MLIP: variants seen among roughly 807,000 people sequenced by gnomAD.
MLIP encodes the protein muscular LMNA-interacting protein.
In MLIP, 79 loss-of-function variants were observed where a neutral mutation model predicts 84.8. The ratio of observed to expected loss-of-function variants is 0.93; its 90% CI spans 0.78 to 1.12. The LOEUF (loss-of-function observed/expected upper bound fraction) is 1.12. MLIP is among the 50% of genes most tolerant of loss of function. MLIP has a pLI of 0.00. For synonymous variants in MLIP, 504 were observed against 463.0 expected (o/e 1.09, Z -1.14); for missense variants, 1,257 against 1,160.6 (o/e 1.08, Z -1.21).
At chr6:54,099,901 A>G (rs1448404728) in intron 1 of MLIP, among the ~76,000 whole-genome samples, 1 of 152,132 alleles carries the variant, frequency 6.6e-6, no homozygotes, top group Admixed American at 6.5e-5. Context: ...GGCAAGAAAA[A>G]ATGATAAAAG....
chr6:54,160,516 C>T lies in MLIP; in HGVS notation c.2356C>T (p.Leu786Phe). The T allele has an allele frequency of 6.2e-7, 1 of 1,612,212 alleles. No individual in the cohort carries two copies. Among genetic ancestry groups the T allele is most frequent in the Non-Finnish European group, 8.5e-7 (1 of 1,178,942 alleles). ...CAGTACCTGGTTTCAATTCTTCCAG[C>T]TCTATTTTCCTGCACAGCTCAGGCA... The part of the protein sequence containing the change: ...KDNTLEPPVE[L>F]YFPAQLRQQT... Residue 786 changes from leucine (L) to phenylalanine (F), a missense_variant and splice_region_variant, in exon 7 of 14, where the codon CTC (leucine) becomes TTC (phenylalanine). Transcript: ENST00000502396.
intron 9 of MLIP, among the ~76,000 whole-genome samples, chr6:54,170,229 C>T (rs548871059): frequency 2.8e-4 from 43 of 151,800 alleles, no homozygotes; most frequent in Admixed American, 8.5e-4. Context: ...ACAAGATTAT[C>T]TCCTTAGTAA....
rs370097765 is a variant in MLIP, at chr6:54,023,179, TAATA to T, written c.63+4090_63+4093del. Reference sequence around the variant, plus strand: ...GAGACTCCATCTCAAAAAATAATAATAATAATAATAATAATAATGATAACAAGAA... The same window carrying T: ...GAGACTCCATCTCAAAAAATAATAATATAATAATAATAATGATAACAAGAA... On this transcript the variant is annotated intron_variant, in intron 1 of 12. Transcript: ENST00000274897. Among the ~76,000 whole-genome samples, 107 of 148,924 alleles carry T rather than the reference TAATA, an allele frequency of 7.2e-4. 1 individual carries two copies. In the Middle Eastern group the frequency reaches 0.011, roughly 15 times the overall value.
chr6:54,258,832 A>G (rs1783196270), intron 13 of MLIP, among the ~76,000 whole-genome samples: 1 of 152,146 alleles, frequency 6.6e-6, no homozygotes, highest in East Asian at 1.9e-4. Flanking sequence ...AAGTGTCTCC[A>G]CAATCAGAAA....
At chr6:54,160,475 A>G (rs773388317) in intron 6 of MLIP, 41 bp from the exon 7 acceptor site, 10 of 1,611,508 alleles carry the variant, frequency 6.2e-6, no homozygotes, top group Non-Finnish European at 4.2e-6. Context: ...TGCAATTCCA[A>G]AACTTATTGC....
At chr6:54,265,326 A>T (rs1783624401) in intron 13 of MLIP, among the ~76,000 whole-genome samples, 1 of 152,122 alleles carries the variant, frequency 6.6e-6, no homozygotes. Flanking sequence ...AGTTTATCTT[A>T]TCTGTTCCAG....
rs181205341 is a variant in MLIP at position 54,020,829 on chromosome 6, A to G, written c.63+1738A>G. 4.0e-3 allele frequency among the ~76,000 whole-genome samples: 609 copies of G among 152,274 alleles called. 3 individuals carry two copies. The highest frequency in any genetic ancestry group is 0.014 in the Middle Eastern group (4 of 294). On this transcript the variant is annotated intron_variant, in intron 1 of 12. Transcript: ENST00000274897. ...AAAGATTGCGGGGAAATATGGCGGC[A>G]CATCAGAGGCATACGAACATTCACC...
In MLIP at chr6:54,137,315, C is replaced by T. The variant is rs916876788; in HGVS notation, c.1246C>T (p.Leu416Phe). The T allele has an allele frequency of 6.5e-7, 1 of 1,535,938 alleles. No individual in the cohort carries two copies. Among genetic ancestry groups the T allele is most frequent in the African/African-American group, 1.4e-5 (1 of 72,982 alleles). ...ATCCCCGGTGCCTTCCCGGCTTGCCCTTCTCACTGCCATTCTCAAGTCAAA... is the reference window on the plus strand; with the variant it reads ...ATCCCCGGTGCCTTCCCGGCTTGCCTTTCTCACTGCCATTCTCAAGTCAAA... ...VKSPVPSRLA[L>F]LTAILKSNPS... The change falls in exon 4 of 14, where the codon CTT becomes TTT. Residue 416 changes from leucine (L) to phenylalanine (F), a missense_variant. Transcript: ENST00000502396.
Position 54,213,575 on chromosome 6 carries a change from G to A in MLIP, c.2718+11342G>A, listed in dbSNP as rs547280260. ...AAATTAGCCAGGCATGGTGGTACGT[G>A]CCTGTAATCCCAGCTACTTGGGAGG... On this transcript the variant is annotated intron_variant, in intron 11 of 13. Coordinates refer to ENST00000502396, the MANE Select transcript of MLIP (RefSeq NM_001281747.2). Among the ~76,000 whole-genome samples the A allele has an allele frequency of 3.9e-5, 6 of 151,918 alleles. No individual in the cohort carries two copies. The South Asian group carries it at 1.2e-3, about 32-fold the overall frequency.
intron 12 of MLIP, among the ~76,000 whole-genome samples, chr6:54,256,981 A>G (rs1177367433): frequency 2.0e-5 from 3 of 152,120 alleles, no homozygotes; most frequent in South Asian, 2.1e-4. Context: ...TTTCCTCTCT[A>G]TGAAATCTGT....
chr6:54,195,151 T>A (rs1778207942), intron 10 of MLIP, among the ~76,000 whole-genome samples: 1 of 152,070 alleles, frequency 6.6e-6, no homozygotes, highest in Admixed American at 6.6e-5. Context: ...AAGACAAAAC[T>A]GCAGCAAATG....
At chr6:54,058,517 A>G (rs1045102822) in intron 1 of MLIP, among the ~76,000 whole-genome samples, 1 of 152,228 alleles carries the variant, frequency 6.6e-6, no homozygotes, top group Non-Finnish European at 1.5e-5. Context: ...CCATCTGCCT[A>G]CTTTATGAAG....
chr6:54,024,319 T>C (rs1763676750), intron 1 of MLIP, among the ~76,000 whole-genome samples: 1 of 152,268 alleles, frequency 6.6e-6, no homozygotes, highest in Non-Finnish European at 1.5e-5. Context: ...GCCTAAATTA[T>C]TTATTAATTC....
intron 11 of MLIP, among the ~76,000 whole-genome samples, chr6:54,206,014 A>G (rs752647099): frequency 6.6e-5 from 10 of 152,216 alleles, no homozygotes; most frequent in African/African-American, 1.4e-4. Flanking sequence ...CTGGAAAATA[A>G]TTAGCAAAAT....
intron 12 of MLIP, among the ~76,000 whole-genome samples, chr6:54,232,787 T>C (rs1329910364): frequency 2.0e-5 from 3 of 152,260 alleles, no homozygotes; most frequent in Non-Finnish European, 4.4e-5. Flanking sequence ...TTCCCAAGTC[T>C]GACCTTACAG....
chr6:54,130,480 C>T (rs760106987), intron 3 of MLIP, among the ~76,000 whole-genome samples: 1 of 152,032 alleles, frequency 6.6e-6, no homozygotes, highest in Non-Finnish European at 1.5e-5. Flanking sequence ...GGGGTTAGAC[C>T]CTCTTCAAGG....
intron 11 of MLIP, among the ~76,000 whole-genome samples, chr6:54,213,273 A>G (rs1192950352): frequency 1.3e-5 from 2 of 152,240 alleles, no homozygotes; most frequent in Admixed American, 6.5e-5. Flanking sequence ...CAAAAGAACA[A>G]AAGGTCAGTA....
intron 4 of MLIP, among the ~76,000 whole-genome samples, chr6:54,139,971 G>C (rs906580531): frequency 6.6e-5 from 10 of 152,054 alleles, no homozygotes; most frequent in African/African-American, 2.4e-4. Context: ...CAAAGAAAAT[G>C]AGATGGATAA....
intron 10 of MLIP, among the ~76,000 whole-genome samples, chr6:54,199,706 A>G (rs1208614377): frequency 6.6e-6 from 1 of 152,158 alleles, no homozygotes; most frequent in East Asian, 1.9e-4. Context: ...AAGTATGAAC[A>G]ATGTCAAAGG....
Sources: gnomAD v4.1 joint callset for allele counts (sites outside exome capture counted in the v4.1 genomes callset) on GRCh38, gnomAD v4.1.1 for gene constraint, MANE v1.5 for transcripts, NCBI Gene and HGNC (gene_info 2026-07-23, HGNC 2026-07-21) for gene names.